The following COA1 variants were observed in gnomAD, a reference collection of about 807,000 sequenced individuals.
The protein encoded by COA1 is cytochrome c oxidase assembly factor 1, also known as cytochrome c oxidase assembly factor 1 homolog.
In COA1, 13 loss-of-function variants were observed where a neutral mutation model predicts 16.0. The ratio of observed to expected loss-of-function variants is 0.81; its 90% CI spans 0.53 to 1.29. The LOEUF (loss-of-function observed/expected upper bound fraction) is 1.29. COA1 is among the 50% of genes most tolerant of loss of function. The pLI is 0.00. For missense variants in COA1, 179 were observed against 177.0 expected (o/e 1.01, Z -0.06); for synonymous variants, 65 against 65.7 (o/e 0.99, Z 0.05).
At chr7:43,633,343 G>A (rs1416734037) in intron 6 of COA1, 1 of 152,182 alleles carries the variant, frequency 6.6e-6, no homozygotes, top group Non-Finnish European at 1.5e-5. Flanking sequence ...CATTTAGTGA[G>A]AGGCCACTGT....
chr7:43,634,143 C>T (rs572248377), intron 6 of COA1, among the ~76,000 whole-genome samples: 18 of 152,206 alleles, frequency 1.2e-4, no homozygotes, highest in Non-Finnish European at 2.6e-4. Flanking sequence ...ATGGCTGCTT[C>T]AAAATCCTTG....
chr7:43,728,362 T>C (rs547042392), intron 1 of COA1, among the ~76,000 whole-genome samples: 37 of 152,292 alleles, frequency 2.4e-4, no homozygotes, highest in Admixed American at 6.5e-4. Flanking sequence ...TGTGTTTTGT[T>C]TTGTTTTCAT....
At chr7:43,644,834 A>AGAGAGT (rs57561752) in intron 4 of COA1, among the ~76,000 whole-genome samples, 1 of 150,518 alleles carries the variant, frequency 6.6e-6, no homozygotes, top group African/African-American at 2.5e-5. Context: ...AGAGAGAGAG[A>AGAGAGT]CAGGGTCTTG....
intron 1 of COA1, among the ~76,000 whole-genome samples, chr7:43,683,401 G>A (rs948392746): frequency 8.5e-5 from 13 of 152,088 alleles, no homozygotes; most frequent in African/African-American, 2.9e-4. Context: ...GGGTGGCCGA[G>A]GCAGGTGGAT....
chr7:43,691,271 AAGAAAGAAAG>A (rs2094288183), intron 1 of COA1, among the ~76,000 whole-genome samples: 1 of 26,562 alleles, frequency 3.8e-5, no homozygotes, highest in Non-Finnish European at 6.7e-5. Flanking sequence ...AAAGAAAAGA[AAGAAAGAAAG>A]AAAGAAAGAA....
chr7:43,661,403 A>G (rs1360371336), intron 1 of COA1, among the ~76,000 whole-genome samples: 1 of 152,182 alleles, frequency 6.6e-6, no homozygotes, highest in African/African-American at 2.4e-5. Flanking sequence ...TTGGGAGGCC[A>G]AAGCGGGCGG....
chr7:43,669,068 T>C (rs1319942578), intron 1 of COA1, among the ~76,000 whole-genome samples: 1 of 152,134 alleles, frequency 6.6e-6, no homozygotes, highest in Non-Finnish European at 1.5e-5. Context: ...AACACACCTT[T>C]CTTCCAAGGA....
intron 1 of COA1, among the ~76,000 whole-genome samples, chr7:43,688,588 G>T (rs531575931): frequency 2.0e-5 from 3 of 152,086 alleles, no homozygotes; most frequent in African/African-American, 7.2e-5. Context: ...AACAAAAACA[G>T]ACAAAAGCAA....
chr7:43,704,207 T>C (rs1209479241), intron 1 of COA1, among the ~76,000 whole-genome samples: 3 of 152,210 alleles, frequency 2.0e-5, no homozygotes, highest in African/African-American at 2.4e-5. Context: ...TACCTTAGTA[T>C]GTGGCCTGCA....
intron 1 of COA1, among the ~76,000 whole-genome samples, chr7:43,705,991 T>A (rs906946162): frequency 6.6e-6 from 1 of 152,090 alleles, no homozygotes; most frequent in African/African-American, 2.4e-5. Context: ...AATGCCTTCT[T>A]TCCAAAGATC....
rs753481347 is a variant in COA1 at position 43,645,416 on chromosome 7, C to A, written c.116-17G>T. ...AATGAAACTCTAAGGACGAAAGACA[C>A]ACTTATTTTCTTTATTGAACTTGGT... On this transcript the variant is annotated splice_polypyrimidine_tract_variant and intron_variant, in intron 3 of 5. Transcript: ENST00000223336. 3.1e-6 allele frequency: 5 copies of A among 1,612,620 alleles called. No homozygotes were observed. In the South Asian group the frequency reaches 5.5e-5, roughly 18 times the overall value.
chr7:43,655,386 C>T (rs1270721562), intron 1 of COA1, among the ~76,000 whole-genome samples: 1 of 152,208 alleles, frequency 6.6e-6, no homozygotes, highest in Non-Finnish European at 1.5e-5. Flanking sequence ...CATGTTGGCT[C>T]ACGCCTGCAA....
At chr7:43,725,624 C>T (rs1232341788) in intron 1 of COA1, among the ~76,000 whole-genome samples, 3 of 152,048 alleles carry the variant, frequency 2.0e-5, no homozygotes, top group Admixed American at 1.3e-4. Context: ...TTTAGGAGGC[C>T]GAGGCGGTGG....
At chr7:43,674,786 G>C (rs1220383710) in intron 1 of COA1, among the ~76,000 whole-genome samples, 1 of 152,098 alleles carries the variant, frequency 6.6e-6, no homozygotes, top group Non-Finnish European at 1.5e-5. Flanking sequence ...TTATCTTCAG[G>C]ACTTTTAAGG....
At chr7:43,638,566 C>CTTTTTTTT (rs746584234), downstream of COA1, among the ~76,000 whole-genome samples, 21 of 97,412 alleles carry the variant, frequency 2.2e-4, no homozygotes, top group African/African-American at 7.0e-4. Context: ...TTTTTCTTTC[C>CTTTTTTTT]TTTTTTTTTT....
At chr7:43,697,017 G>A (rs917357873) in intron 1 of COA1, among the ~76,000 whole-genome samples, 9 of 151,342 alleles carry the variant, frequency 5.9e-5, no homozygotes, top group Admixed American at 6.6e-5. Flanking sequence ...CCAGCTACTC[G>A]GGAGGCTGAG....
intron 6 of COA1, among the ~76,000 whole-genome samples, chr7:43,634,067 ACTTC>A (rs1294574294): frequency 6.6e-6 from 1 of 151,908 alleles, no homozygotes; most frequent in Non-Finnish European, 1.5e-5. Flanking sequence ...ATCTTCTAAG[ACTTC>A]CTATTTTTTT....
At chr7:43,650,272 G>C (rs2090479986) in intron 1 of COA1, 1 of 152,172 alleles carries the variant, frequency 6.6e-6, no homozygotes, top group South Asian at 2.1e-4. Flanking sequence ...CTAAGACCAA[G>C]GTAGCAAGTG....
intron 1 of COA1, among the ~76,000 whole-genome samples, chr7:43,721,929 A>T (rs565152065): frequency 6.6e-6 from 1 of 152,278 alleles, no homozygotes; most frequent in Non-Finnish European, 1.5e-5. Context: ...GAAAGATTCT[A>T]ATGTAATACT....
Sources: allele counts gnomAD v4.1 joint callset (sites outside exome capture counted in the v4.1 genomes callset), GRCh38; gene constraint gnomAD v4.1.1; transcripts MANE v1.5; gene names NCBI Gene and HGNC (gene_info 2026-07-23, HGNC 2026-07-21).